Variants in FOCAD observed in about 807,000 individuals in gnomAD.
FOCAD encodes KIAA1797.
FOCAD carries 198 observed loss-of-function variants against 225.6 expected under a neutral mutation model. That is an observed-to-expected ratio of 0.88 (90% confidence interval 0.78 to 0.99). FOCAD has a LOEUF of 0.99. Among genes scored for constraint, FOCAD ranks in the 50% least tolerant of loss-of-function variants. The pLI, the probability that FOCAD is intolerant of heterozygous loss-of-function variation, is 0.00. For missense variants in FOCAD, 2,713 were observed against 2,123.6 expected (o/e 1.28, Z -5.46); for synonymous variants, 897 against 755.0 (o/e 1.19, Z -3.08).
chr9:20,791,191 CAT>C (rs1820488958), intron 11 of FOCAD, among the ~76,000 whole-genome samples: 2 of 150,030 alleles, frequency 1.3e-5, no homozygotes, highest in African/African-American at 4.9e-5. Flanking sequence ...TGACAGAAAA[CAT>C]ATATTGCATC....
At chr9:20,875,915 A>G (rs1830187443) in intron 19 of FOCAD, 1 of 152,200 alleles carries the variant, frequency 6.6e-6, no homozygotes, top group African/African-American at 2.4e-5. Flanking sequence ...TCGTGGATAT[A>G]AAAATTTAAT....
At chr9:20,666,034 A>T (rs1821891453) in intron 2 of FOCAD, among the ~76,000 whole-genome samples, 1 of 152,116 alleles carries the variant, frequency 6.6e-6, no homozygotes, top group African/African-American at 2.4e-5. Context: ...AGCTGGGATA[A>T]CAGGCACCCG....
chr9:20,734,464 A>G lies in FOCAD; in HGVS notation c.288-5772A>G, dbSNP rs143763801. 2.8e-3 allele frequency among the ~76,000 whole-genome samples: 432 copies of G among 152,216 alleles called. 1 individual carries two copies. The highest frequency in any genetic ancestry group is 1.0e-2 in the African/African-American group (415 of 41,534). On this transcript the variant is annotated intron_variant, in intron 4 of 43. Transcript: ENST00000338382. ...AAATGTATTTTGTTTTTAAACTTGCATTTTTCCACATAGTATGTGATGGTA... is the reference window on the plus strand; with the variant it reads ...AAATGTATTTTGTTTTTAAACTTGCGTTTTTCCACATAGTATGTGATGGTA...
At chr9:20,713,226 G>T (rs1329584254) in intron 1 of FOCAD, among the ~76,000 whole-genome samples, 1 of 152,140 alleles carries the variant, frequency 6.6e-6, no homozygotes, top group Non-Finnish European at 1.5e-5. Flanking sequence ...TTATGACCTG[G>T]CTTCTCATTG....
chr9:20,937,221 A>G (rs1836071041), intron 28 of FOCAD, among the ~76,000 whole-genome samples: 1 of 151,002 alleles, frequency 6.6e-6, no homozygotes, highest in Non-Finnish European at 1.5e-5. Flanking sequence ...AGAATTGGAA[A>G]AAACTACTTT....
chr9:20,785,694 G>A (rs752089173), intron 10 of FOCAD, among the ~76,000 whole-genome samples: 2 of 151,908 alleles, frequency 1.3e-5, no homozygotes, highest in Admixed American at 1.3e-4. Flanking sequence ...CCACTTTTTG[G>A]CTATAATGCT....
chr9:20,838,256 A>G (rs1448018077), intron 15 of FOCAD, among the ~76,000 whole-genome samples: 1 of 151,770 alleles, frequency 6.6e-6, no homozygotes, highest in African/African-American at 2.4e-5. Flanking sequence ...TTTAGATGAC[A>G]TTATACCACA....
chr9:20,656,798 G>A (rs576266858), upstream of FOCAD, among the ~76,000 whole-genome samples: 1 of 152,310 alleles, frequency 6.6e-6, no homozygotes, highest in Non-Finnish European at 1.5e-5. Context: ...ATAGCGTTAT[G>A]TGTGAATTTG....
chr9:20,926,557 G>C lies in FOCAD; in HGVS notation c.3078+140G>C, dbSNP rs1261715976. ...CCAGCACTTTGGAAGTCTGAGGTGG[G>C]CGGATCACCTGAGGTTGGGAGTTCG... is the stretch of plus-strand genomic sequence containing the variant. On this transcript the variant is annotated intron_variant, in intron 26 of 43. Coordinates refer to ENST00000338382, the MANE Select transcript of FOCAD (RefSeq NM_001375567.1). 44 of 587,704 alleles carry C rather than the reference G, an allele frequency of 7.5e-5. No individual in the cohort carries two copies. In the South Asian group the frequency reaches 7.8e-4, roughly 10 times the overall value. The allele number at this position is 587,704 out of a possible 1,614,324, so 36.4% of individuals were successfully genotyped here. A position where few individuals can be genotyped will look rare whatever the true frequency, so the allele number is the denominator to read the frequency against.
At chr9:20,839,194 G>T (rs1826270085) in intron 15 of FOCAD, among the ~76,000 whole-genome samples, 2 of 151,360 alleles carry the variant, frequency 1.3e-5, no homozygotes, top group South Asian at 4.2e-4. Flanking sequence ...CTTATTCCAG[G>T]TGTGGATTGT....
At chr9:20,825,777 G>A (rs912261162) in intron 15 of FOCAD, among the ~76,000 whole-genome samples, 1 of 152,010 alleles carries the variant, frequency 6.6e-6, no homozygotes, top group African/African-American at 2.4e-5. Context: ...TAGAATTATT[G>A]CTGCTTAATT....
intron 24 of FOCAD, among the ~76,000 whole-genome samples, chr9:20,920,829 G>A (rs1834349501): frequency 6.6e-6 from 1 of 150,756 alleles, no homozygotes; most frequent in Non-Finnish European, 1.5e-5. Flanking sequence ...GGGGGGAGTG[G>A]GGAGGGATAG....
chr9:20,701,382 G>T (rs1262531723), intron 1 of FOCAD, among the ~76,000 whole-genome samples: 1 of 152,154 alleles, frequency 6.6e-6, no homozygotes, highest in Non-Finnish European at 1.5e-5. Context: ...ACATGGTGAG[G>T]TTTCCTGCCA....
intron 15 of FOCAD, among the ~76,000 whole-genome samples, chr9:20,826,904 A>G (rs1564038689): frequency 6.6e-6 from 1 of 152,034 alleles, no homozygotes; most frequent in South Asian, 2.1e-4. Flanking sequence ...TCTCTTTTTC[A>G]TATCTTTTCC....
chr9:20,821,435 T>A (rs946758300), intron 14 of FOCAD, among the ~76,000 whole-genome samples: 1 of 152,120 alleles, frequency 6.6e-6, no homozygotes, highest in African/African-American at 2.4e-5. Flanking sequence ...ATTCTCCCTT[T>A]GTTTAAGTAG....
chr9:20,847,109 C>A (rs564755925), intron 15 of FOCAD, among the ~76,000 whole-genome samples: 2 of 152,044 alleles, frequency 1.3e-5, no homozygotes, highest in South Asian at 4.1e-4. Context: ...CCATTTTAAT[C>A]GTGCATTTCA....
chr9:20,773,865 C>T (rs1261541336), intron 8 of FOCAD, among the ~76,000 whole-genome samples: 1 of 152,040 alleles, frequency 6.6e-6, no homozygotes, highest in East Asian at 1.9e-4. Flanking sequence ...CGTATGGTGC[C>T]CTTTAATACA....
chr9:20,752,216 G>C (rs1828623953), intron 5 of FOCAD, among the ~76,000 whole-genome samples: 3 of 151,804 alleles, frequency 2.0e-5, no homozygotes, highest in Non-Finnish European at 4.4e-5. Context: ...CAGTGTTTTA[G>C]ACATGAAGTC....
chr9:20,830,980 A>G (rs1825430127), intron 15 of FOCAD, among the ~76,000 whole-genome samples: 1 of 152,092 alleles, frequency 6.6e-6, no homozygotes, highest in Non-Finnish European at 1.5e-5. Flanking sequence ...TGCCTGGCCT[A>G]TGACTACCTT....
Sources: allele counts gnomAD v4.1 joint callset (sites outside exome capture counted in the v4.1 genomes callset), GRCh38; gene constraint gnomAD v4.1.1; transcripts MANE v1.5; gene names NCBI Gene and HGNC (gene_info 2026-07-23, HGNC 2026-07-21).